HCN1: variants seen among roughly 807,000 people sequenced by gnomAD.
The protein encoded by HCN1 is potassium/sodium hyperpolarization-activated cyclic nucleotide-gated channel 1.
Under a neutral mutation model 78.9 loss-of-function variants are expected in HCN1, and 13 were observed. The ratio of observed to expected loss-of-function variants is 0.16; its 90% CI spans 0.11 to 0.26. The LOEUF is 0.26. HCN1 is among the 10% of genes least tolerant of loss of function. The probability of loss-of-function intolerance (pLI) is 1.00; values close to 1 mark genes in which losing one functional copy is unlikely to be tolerated. For synonymous variants in HCN1, 552 were observed against 455.5 expected (o/e 1.21, Z -2.70); for missense variants, 810 against 1,154.3 (o/e 0.70, Z 4.32).
At chr5:45,693,618 T>C (rs972823016) in intron 1 of HCN1, among the ~76,000 whole-genome samples, 4 of 152,150 alleles carry the variant, frequency 2.6e-5, no homozygotes, top group Non-Finnish European at 5.9e-5. Context: ...TAAAGAGATA[T>C]TTTGTCTCAG....
At chr5:45,344,019 T>C (rs1561115342) in intron 5 of HCN1, among the ~76,000 whole-genome samples, 2 of 152,146 alleles carry the variant, frequency 1.3e-5, no homozygotes, top group Non-Finnish European at 2.9e-5. Context: ...GAGTAATTTA[T>C]AAACAAAAGA....
At chr5:45,691,003 G>T (rs915169214) in intron 1 of HCN1, among the ~76,000 whole-genome samples, 1 of 151,986 alleles carries the variant, frequency 6.6e-6, no homozygotes, top group African/African-American at 2.4e-5. Context: ...CATTCTGCTG[G>T]TTTCCTGCTC....
chr5:45,450,914 C>G (rs1297890971), intron 3 of HCN1, among the ~76,000 whole-genome samples: 2 of 152,124 alleles, frequency 1.3e-5, no homozygotes, highest in Non-Finnish European at 2.9e-5. Flanking sequence ...AAAAAACAGC[C>G]TGGAGGAGAA....
intron 1 of HCN1, among the ~76,000 whole-genome samples, chr5:45,683,950 C>T (rs1200247631): frequency 4.6e-5 from 7 of 151,860 alleles, no homozygotes; most frequent in Admixed American, 4.6e-4. Flanking sequence ...GGATTACAGG[C>T]ATGAGCCACC....
chr5:45,559,549 T>G (rs1406280177), intron 2 of HCN1: 1 of 152,176 alleles, frequency 6.6e-6, no homozygotes, highest in African/African-American at 2.4e-5. Flanking sequence ...GTGGTAGAAA[T>G]AGCAAGAGAA....
chr5:45,642,961 A>G (rs968507772), intron 2 of HCN1: 1 of 152,140 alleles, frequency 6.6e-6, no homozygotes, highest in Non-Finnish European at 1.5e-5. Flanking sequence ...CTTCACCTAA[A>G]TGGGCTTATG....
intron 1 of HCN1, among the ~76,000 whole-genome samples, chr5:45,655,558 T>C (rs1330216850): frequency 6.6e-6 from 1 of 152,146 alleles, no homozygotes; most frequent in African/African-American, 2.4e-5. Context: ...CACCTATTCT[T>C]ATCAGTCACC....
chr5:45,303,165 C>CA (rs1411233261), intron 6 of HCN1, among the ~76,000 whole-genome samples: 1 of 152,062 alleles, frequency 6.6e-6, no homozygotes, highest in Admixed American at 6.6e-5. Flanking sequence ...AATTTCTGGG[C>CA]AGTAGGAATA....
At chr5:45,657,481 G>C (rs996559896) in intron 1 of HCN1, among the ~76,000 whole-genome samples, 2 of 152,054 alleles carry the variant, frequency 1.3e-5, no homozygotes, top group African/African-American at 4.8e-5. Context: ...TGTTGCACTT[G>C]CTTTTTTTAT....
chr5:45,509,764 C>A (rs1252733362), intron 2 of HCN1, among the ~76,000 whole-genome samples: 1 of 152,008 alleles, frequency 6.6e-6, no homozygotes, highest in Non-Finnish European at 1.5e-5. Context: ...TAACAAGATG[C>A]AATTTAGAAT....
intron 3 of HCN1, among the ~76,000 whole-genome samples, chr5:45,436,119 G>A (rs1408640821): frequency 6.6e-6 from 1 of 152,170 alleles, no homozygotes; most frequent in Non-Finnish European, 1.5e-5. Flanking sequence ...TGTATAGACA[G>A]CACTTGTGTG....
At chr5:45,554,999 C>T (rs1743443289) in intron 2 of HCN1, among the ~76,000 whole-genome samples, 1 of 151,704 alleles carries the variant, frequency 6.6e-6, no homozygotes, top group Non-Finnish European at 1.5e-5. Context: ...TCCAAAATCC[C>T]CCTAGGGCAA....
At position 45,255,171 on chromosome 5, in the gene HCN1, A is replaced by T. The variant is rs1744582545; in HGVS notation, c.*6750T>A. The T allele has an allele frequency of 6.6e-6, 1 of 152,208 alleles. No individual in the cohort carries two copies. The highest frequency in any genetic ancestry group is 1.5e-5 in the Non-Finnish European group (1 of 68,038). 9.4% of individuals were successfully genotyped at this position (152,208 alleles called of 1,614,324 possible). A position where few individuals can be genotyped will look rare whatever the true frequency, so the allele number is the denominator to read the frequency against. On this transcript the variant is annotated 3_prime_UTR_variant, in exon 8 of 8. Coordinates refer to ENST00000303230, the MANE Select transcript of HCN1 (RefSeq NM_021072.4). ...TGCCAGGAGGCAGGCTGGGTTAGAC[A>T]GCGTGACCAAGAGTAAACTTTGGAT...
chr5:45,498,347 C>T (rs565892540), intron 2 of HCN1, among the ~76,000 whole-genome samples: 90 of 152,278 alleles, frequency 5.9e-4, no homozygotes, highest in African/African-American at 1.8e-3. Flanking sequence ...CATGTTCCAT[C>T]GCTGATACTG....
chr5:45,562,504 T>C (rs985234113), intron 2 of HCN1, among the ~76,000 whole-genome samples: 2 of 115,236 alleles, frequency 1.7e-5, no homozygotes, highest in Non-Finnish European at 3.5e-5. Context: ...AGACCCCATG[T>C]CTACAAAACA....
chr5:45,624,752 G>T (rs1745129750), intron 2 of HCN1, among the ~76,000 whole-genome samples: 1 of 152,028 alleles, frequency 6.6e-6, no homozygotes, highest in Non-Finnish European at 1.5e-5. Flanking sequence ...ATTTGGGAAT[G>T]AGAAACATCT....
At chr5:45,498,524 G>T (rs895119008) in intron 2 of HCN1, among the ~76,000 whole-genome samples, 2 of 152,014 alleles carry the variant, frequency 1.3e-5, no homozygotes, top group Non-Finnish European at 2.9e-5. Flanking sequence ...TTTGCCTTTG[G>T]TTTGAATCTC....
chr5:45,430,118 TATAAA>T (rs1740431604), intron 3 of HCN1, among the ~76,000 whole-genome samples: 1 of 152,162 alleles, frequency 6.6e-6, no homozygotes, highest in Non-Finnish European at 1.5e-5. Flanking sequence ...ATAAAATTAA[TATAAA>T]AGAATAAAAC....
At chr5:45,469,672 A>C (rs540636273) in intron 2 of HCN1, among the ~76,000 whole-genome samples, 22 of 152,106 alleles carry the variant, frequency 1.4e-4, no homozygotes, top group Non-Finnish European at 2.2e-4. Context: ...TCTAAAATTT[A>C]TCCTGAGAAT....
Sources: allele counts gnomAD v4.1 joint callset (sites outside exome capture counted in the v4.1 genomes callset), GRCh38; gene constraint gnomAD v4.1.1; transcripts MANE v1.5; gene names NCBI Gene and HGNC (gene_info 2026-07-23, HGNC 2026-07-21).